The following MIB1 variants were observed in gnomAD, a reference collection of about 807,000 sequenced individuals.
MIB1 encodes the protein MIB E3 ubiquitin protein ligase 1.
A neutral mutation model predicts 124.5 loss-of-function variants in MIB1; 278 were observed. The ratio of observed to expected loss-of-function variants is 2.23; its 90% CI spans 2.02 to 2.47. MIB1 has a LOEUF of 2.47. MIB1 is among the 30% of genes most tolerant of loss of function. The pLI, the probability that MIB1 is intolerant of heterozygous loss-of-function variation, is 0.00. For missense variants in MIB1, 957 were observed against 1,254.4 expected (o/e 0.76, Z 3.58); for synonymous variants, 446 against 429.4 (o/e 1.04, Z -0.48).
chr18:21,793,236 C>T (rs1299801263), intron 7 of MIB1, among the ~76,000 whole-genome samples: 2 of 152,162 alleles, frequency 1.3e-5, no homozygotes, highest in Non-Finnish European at 2.9e-5. Context: ...TAGGTCCATG[C>T]TAAAGTCAGA....
chr18:21,800,268 ACAT>A (rs1371053406), intron 9 of MIB1, among the ~76,000 whole-genome samples: 1 of 151,990 alleles, frequency 6.6e-6, no homozygotes, highest in Admixed American at 6.6e-5. Flanking sequence ...CCTCATGTAA[ACAT>A]CATTTTATGA....
At chr18:21,773,874 A>G in intron 4 of MIB1, 146 bp downstream of exon 4, 1 of 537,798 alleles carries the variant, frequency 1.9e-6, no homozygotes, top group South Asian at 3.1e-5. Context: ...TTTAATAGTA[A>G]ATATGATTTG....
At chr18:21,727,375 C>T (rs3016704) in intron 1 of MIB1, among the ~76,000 whole-genome samples, 152,284 of 152,284 alleles carry the variant, frequency 1, 76,142 homozygotes, top group Non-Finnish European at 1. Flanking sequence ...TCAAGTGATC[C>T]GCCCACCTCG....
intron 6 of MIB1, among the ~76,000 whole-genome samples, chr18:21,785,941 C>T (rs2041429767): frequency 6.6e-6 from 1 of 152,112 alleles, no homozygotes; most frequent in African/African-American, 2.4e-5. Context: ...TTGCTCTCTC[C>T]TGTCCTGTAT....
At chr18:21,792,520 C>A (rs1445321646) in intron 7 of MIB1, among the ~76,000 whole-genome samples, 1 of 152,100 alleles carries the variant, frequency 6.6e-6, no homozygotes, top group Non-Finnish European at 1.5e-5. Flanking sequence ...CTGCCTTATT[C>A]CCTAAGTAGG....
chr18:21,857,311 CTT>C (rs1369148667), intron 19 of MIB1, 68 bp downstream of exon 19: 1 of 906,220 alleles, frequency 1.1e-6, no homozygotes, highest in African/African-American at 1.6e-5. Context: ...CACCTCTTCT[CTT>C]TCGTAATACA....
At chr18:21,791,863 C>T (rs1463449208) in intron 7 of MIB1, among the ~76,000 whole-genome samples, 2 of 152,076 alleles carry the variant, frequency 1.3e-5, no homozygotes, top group South Asian at 2.1e-4. Flanking sequence ...AGGTCTATGC[C>T]CATCTGGTCT....
chr18:21,774,548 A>G (rs1343331170), intron 4 of MIB1, among the ~76,000 whole-genome samples: 3 of 152,224 alleles, frequency 2.0e-5, no homozygotes, highest in Admixed American at 6.5e-5. Context: ...ATGAGCCGAG[A>G]TCACGCCATT....
intron 10 of MIB1, among the ~76,000 whole-genome samples, chr18:21,815,037 AT>A (rs1280602539): frequency 8.4e-6 from 1 of 119,442 alleles, no homozygotes; most frequent in African/African-American, 4.0e-5. Flanking sequence ...ATATATATAT[AT>A]ATATATATAT....
chr18:21,732,499 T>A (rs1471060669), intron 1 of MIB1, among the ~76,000 whole-genome samples: 1 of 151,792 alleles, frequency 6.6e-6, no homozygotes, highest in African/African-American at 2.4e-5. Flanking sequence ...TGGGCTTAAA[T>A]GATCCTTCCA....
chr18:21,819,526 C>A lies in MIB1; in HGVS notation c.1709C>A (p.Ala570Glu). The A allele has an allele frequency of 6.2e-7, 1 of 1,608,056 alleles. No individual in the cohort carries two copies. The highest frequency in any genetic ancestry group is 8.5e-7 in the Non-Finnish European group (1 of 1,176,444). The part of the protein sequence containing the change: ...DSEGDTPLHD[A>E]ISKKRDDILA... ...GAAGGTGATACCCCTCTTCATGATG[C>A]AATAAGTAAGAAACGTGATGATATC... The change falls in exon 12 of 21, where the codon GCA (alanine) becomes GAA (glutamate). Residue 570 changes from alanine (A) to glutamate (E), a missense_variant. Transcript: ENST00000261537.
rs1668774862 is a variant in MIB1 at position 21,868,364 on chromosome 18, C to G, written c.*3698C>G. On this transcript the variant is annotated 3_prime_UTR_variant, in exon 21 of 21. Coordinates refer to ENST00000261537, the MANE Select transcript of MIB1 (RefSeq NM_020774.4). ...CTTTAGTTGTTTGTGTTTGCAAGAT[C>G]TAAGGTCATGGTAAACATTAAGTTC... The G allele has an allele frequency of 2.6e-5, 4 of 152,412 alleles. No individual in the cohort carries two copies. 9.4% of individuals were successfully genotyped at this position (152,412 alleles called of 1,614,324 possible). A position where few individuals can be genotyped will look rare whatever the true frequency, so the allele number is the denominator to read the frequency against.
chr18:21,798,422 C>A (rs1033547819), intron 8 of MIB1, among the ~76,000 whole-genome samples, 194 bp downstream of exon 8: 5 of 152,002 alleles, frequency 3.3e-5, no homozygotes, highest in African/African-American at 9.7e-5. Flanking sequence ...GTTGAACAAC[C>A]TTTATTCTGG....
intron 1 of MIB1, among the ~76,000 whole-genome samples, chr18:21,744,097 GTTTT>G (rs768951212): frequency 8.2e-6 from 1 of 121,234 alleles, no homozygotes; most frequent in Non-Finnish European, 1.7e-5. Context: ...ATTCTTCAGG[GTTTT>G]TTTTTTTTTT....
intron 1 of MIB1, among the ~76,000 whole-genome samples, chr18:21,726,749 G>A (rs1222081521): frequency 6.6e-6 from 1 of 152,120 alleles, no homozygotes; most frequent in East Asian, 1.9e-4. Flanking sequence ...ATTAAATGTT[G>A]ACTGAGATCA....
rs1353771553 is a variant in MIB1, at chr18:21,720,739, A to C, written n.167+15616A>C. Among the ~76,000 whole-genome samples the C allele has an allele frequency of 2.0e-5, 3 of 152,176 alleles. No homozygotes were observed. In the East Asian group the frequency reaches 5.8e-4, roughly 29 times the overall value. ...TGAGAGGGGTAAATTGCTTGAGGCC[A>C]AGAGTTTGAGATCAGTCTGGGGAAC... On this transcript the variant is annotated intron_variant and non_coding_transcript_variant, in intron 1 of 20. Coordinates refer to the MIB1 transcript ENST00000578646.
At chr18:21,798,322 T>C in intron 8 of MIB1, 94 bp downstream of exon 8, 1 of 1,236,034 alleles carries the variant, frequency 8.1e-7, no homozygotes, top group South Asian at 1.6e-5. Flanking sequence ...ATGTTGTACA[T>C]GTGCTTGGCT....
In MIB1 at chr18:21,839,688, G is replaced by A. The variant is rs1406548826; in HGVS notation, c.1962+1191G>A. Among the ~76,000 whole-genome samples, 3 of 151,944 alleles carry A rather than the reference G, an allele frequency of 2.0e-5. No homozygotes were observed. In the East Asian group the frequency reaches 5.8e-4, roughly 29 times the overall value. ...TTTTATTTATTTATTTTTTCTGTAAGACAAGGTCTCACTATGTTGCCGAAG... is the reference window on the plus strand; with the variant it reads ...TTTTATTTATTTATTTTTTCTGTAAAACAAGGTCTCACTATGTTGCCGAAG... On this transcript the variant is annotated intron_variant, in intron 13 of 20. Coordinates refer to ENST00000261537, the MANE Select transcript of MIB1 (RefSeq NM_020774.4).
At chr18:21,733,523 G>C (rs200591460) in intron 1 of MIB1, among the ~76,000 whole-genome samples, 1 of 152,132 alleles carries the variant, frequency 6.6e-6, no homozygotes, top group Admixed American at 6.5e-5. Flanking sequence ...AGCCTCCCAC[G>C]TAAGCCTCCT....
Sources: allele counts gnomAD v4.1 joint callset (sites outside exome capture counted in the v4.1 genomes callset), GRCh38; gene constraint gnomAD v4.1.1; transcripts MANE v1.5; gene names NCBI Gene and HGNC (gene_info 2026-07-23, HGNC 2026-07-21).